The following C19orf38 variants were observed in gnomAD, a reference collection of about 807,000 sequenced individuals.
C19orf38 encodes the protein chromosome 19 open reading frame 38.
C19orf38 carries 14 observed loss-of-function variants against 26.6 expected under a neutral mutation model. The observed-to-expected ratio is 0.53, with a 90% CI of 0.35 to 0.82. The LOEUF (loss-of-function observed/expected upper bound fraction) is 0.82, where lower values mean the gene tolerates loss of function less well. C19orf38 is among the 40% of genes least tolerant of loss of function. C19orf38 has a pLI of 0.01. For synonymous variants in C19orf38, 132 were observed against 128.5 expected, an observed-to-expected ratio of 1.03 and a Z score of -0.18; for missense variants, 261 against 299.5, an observed-to-expected ratio of 0.87 and a Z score of 0.95.
chr19:10,869,406 G>A lies in C19orf38; in HGVS notation c.*39G>A, dbSNP rs1195331712. ...GGGACCCCTCTGTCTCCAGGCATTCGGGGGCCTGAGGTCCCTCCAGCTACT... is the reference window on the plus strand; with the variant it reads ...GGGACCCCTCTGTCTCCAGGCATTCAGGGGCCTGAGGTCCCTCCAGCTACT... On this transcript the variant is annotated 3_prime_UTR_variant, in exon 7 of 7. Transcript: ENST00000397820. 10 of 1,514,380 alleles carry A rather than the reference G, an allele frequency of 6.6e-6. No individual in the cohort carries two copies. Among genetic ancestry groups the A allele is most frequent in the South Asian group, 2.5e-5 (2 of 80,662 alleles). The allele number at this position is 1,514,380 out of a possible 1,614,324, so 93.8% of individuals were successfully genotyped here. A position where few individuals can be genotyped will look rare whatever the true frequency, so the allele number is the denominator to read the frequency against.
chr19:10,846,866 G>T (rs1164223347), upstream of C19orf38, among the ~76,000 whole-genome samples: 1 of 152,166 alleles, frequency 6.6e-6, no homozygotes, highest in African/African-American at 2.4e-5. Context: ...AGTCCAGAGG[G>T]GCCTGGAAAG....
intron 2 of C19orf38, among the ~76,000 whole-genome samples, chr19:10,855,030 CTTTTTTTT>C (rs33999724): frequency 1.2e-4 from 9 of 77,760 alleles, no homozygotes; most frequent in Admixed American, 4.9e-4. Context: ...GATATATATT[CTTTTTTTT>C]TTTTTTTTTT....
At chr19:10,837,298 G>T (rs570461184) in intron 1 of C19orf38, among the ~76,000 whole-genome samples, 1 of 152,228 alleles carries the variant, frequency 6.6e-6, no homozygotes, top group South Asian at 2.1e-4. Context: ...TGATGACAAA[G>T]ATCCCTCAAA....
chr19:10,868,757 C>T (rs925787852), intron 6 of C19orf38, among the ~76,000 whole-genome samples: 3 of 152,200 alleles, frequency 2.0e-5, no homozygotes, highest in South Asian at 2.1e-4. Context: ...CCACCCACCT[C>T]GGTCTCCCAA....
intron 1 of C19orf38, among the ~76,000 whole-genome samples, chr19:10,839,500 C>T (rs1236997379): frequency 1.3e-5 from 2 of 152,158 alleles, no homozygotes; most frequent in African/African-American, 4.8e-5. Context: ...ATCAACTCCT[C>T]ATTACACTTT....
At chr19:10,857,339 C>CATATAT (rs1215628613) in intron 3 of C19orf38, among the ~76,000 whole-genome samples, 946 of 53,944 alleles carry the variant, frequency 0.018, 40 homozygotes, top group Middle Eastern at 0.037. Context: ...CACACACATA[C>CATATAT]ATATATATAT....
At chr19:10,862,191 C>T (rs973692860) in intron 5 of C19orf38, among the ~76,000 whole-genome samples, 35 of 150,700 alleles carry the variant, frequency 2.3e-4, no homozygotes, top group African/African-American at 7.8e-4. Context: ...TGAGCCACCG[C>T]GCCCAGCCTG....
At chr19:10,865,557 G>A (rs1319913069) in intron 6 of C19orf38, among the ~76,000 whole-genome samples, 2 of 152,052 alleles carry the variant, frequency 1.3e-5, no homozygotes, top group Non-Finnish European at 2.9e-5. Flanking sequence ...GCTTGAGCCT[G>A]GGAGGTTGAG....
intron 4 of C19orf38, among the ~76,000 whole-genome samples, chr19:10,859,384 ATT>A (rs1221027780): frequency 0.05 from 1,024 of 20,602 alleles, 13 homozygotes; most frequent in East Asian, 0.2. Flanking sequence ...ATATATATAT[ATT>A]TTTTTTTTTT....
At chr19:10,866,251 A>G in intron 6 of C19orf38, among the ~76,000 whole-genome samples, 1 of 147,376 alleles carries the variant, frequency 6.8e-6, no homozygotes, top group East Asian at 2.0e-4. Flanking sequence ...ACCAGGCTGG[A>G]GTGCAGTGGT....
At chr19:10,859,244 ATGTGTGTGTGTGTGTGTGTGTGTGTGTG>A (rs35791729) in intron 4 of C19orf38, among the ~76,000 whole-genome samples, 1 of 119,392 alleles carries the variant, frequency 8.4e-6, no homozygotes, top group Admixed American at 8.8e-5. Flanking sequence ...GCTTTTATAT[ATGTGTGTGTGTGTGTGTGTGTGTGTGTG>A]TGTGTGTATG....
chr19:10,859,775 T>G, intron 4 of C19orf38, 140 bp from the exon 5 acceptor site: 1 of 695,498 alleles, frequency 1.4e-6, no homozygotes, highest in Non-Finnish European at 2.5e-6. Flanking sequence ...TGCTCTTCTG[T>G]GGGGAAGACC....
At chr19:10,837,373 A>G (rs766965244) in intron 1 of C19orf38, among the ~76,000 whole-genome samples, 9 of 151,346 alleles carry the variant, frequency 5.9e-5, no homozygotes, top group Non-Finnish European at 1.0e-4. Context: ...TCTTTGTAAT[A>G]TCAGTTTGGT....
intron 3 of C19orf38, among the ~76,000 whole-genome samples, chr19:10,856,846 G>C (rs1331789687): frequency 2.0e-5 from 3 of 151,950 alleles, no homozygotes; most frequent in Non-Finnish European, 1.5e-5. Context: ...ACCCAGGCTG[G>C]AGTGCAATGG....
At chr19:10,847,369 C>CTTT (rs918277367), upstream of C19orf38, among the ~76,000 whole-genome samples, 27 of 125,920 alleles carry the variant, frequency 2.1e-4, no homozygotes, top group Non-Finnish European at 2.8e-4. Flanking sequence ...GTCCACTGCT[C>CTTT]TTTTTTTTTT....
rs1032096852 is a variant in C19orf38 at position 10,858,396 on chromosome 19, T to C, written c.461+53T>C. On this transcript the variant is annotated intron_variant, in intron 4 of 6. Coordinates refer to ENST00000397820, the MANE Select transcript of C19orf38 (RefSeq NM_001136482.3). ...GGGTGGTTTGGGGAAAGAAGGACAC[T>C]TCCCTGGCAGGGTGGGCACTCCATG... 3.3e-6 allele frequency: 5 copies of C among 1,494,074 alleles called. No homozygotes were observed. In the African/African-American group the frequency reaches 5.6e-5, roughly 17 times the overall value. The allele number at this position is 1,494,074 out of a possible 1,614,324, so 92.6% of individuals were successfully genotyped here.
At chr19:10,867,044 C>T (rs939579617) in intron 6 of C19orf38, among the ~76,000 whole-genome samples, 2 of 151,862 alleles carry the variant, frequency 1.3e-5, no homozygotes, top group African/African-American at 4.8e-5. Context: ...CCCGCCTCGG[C>T]CTCCCAAAGT....
chr19:10,862,891 G>A (rs35443547), intron 5 of C19orf38, among the ~76,000 whole-genome samples: 37,930 of 151,882 alleles, frequency 0.25, 4,783 homozygotes, highest in Middle Eastern at 0.33. Context: ...AGGAGGAGGA[G>A]CTGGCAGGTG....
At chr19:10,847,308 G>A (rs1334836355), upstream of C19orf38, among the ~76,000 whole-genome samples, 1 of 150,998 alleles carries the variant, frequency 6.6e-6, no homozygotes, top group Non-Finnish European at 1.5e-5. Flanking sequence ...TTGTGAGCAT[G>A]CACTACCCAC....
Sources: allele counts gnomAD v4.1 joint callset (sites outside exome capture counted in the v4.1 genomes callset), GRCh38; gene constraint gnomAD v4.1.1; transcripts MANE v1.5; gene names NCBI Gene and HGNC (gene_info 2026-07-23, HGNC 2026-07-21).